The following POMC variants were observed in gnomAD, a reference collection of about 807,000 sequenced individuals.
POMC encodes the protein pro-opiomelanocortin.
A neutral mutation model predicts 18.5 loss-of-function variants in POMC; 19 were observed. That is an observed-to-expected ratio of 1.03 (90% CI 0.72 to 1.51). The LOEUF is 1.51. POMC is among the 40% of genes most tolerant of loss of function. The probability of loss-of-function intolerance (pLI) is 0.00; values close to 1 mark genes in which losing one functional copy is unlikely to be tolerated. For missense variants in POMC, 451 were observed against 379.0 expected, an observed-to-expected ratio of 1.19 and a Z score of -1.58; for synonymous variants, 179 against 161.9, an observed-to-expected ratio of 1.11 and a Z score of -0.80.
In POMC at chr2:25,161,487, C is replaced by G. The variant is rs1199953669; in HGVS notation, c.398G>C (p.Arg133Pro). Residue 133 changes from arginine (R) to proline (P), a missense_variant, in exon 3 of 3, where the codon CGC (arginine) becomes CCC (proline). Arg to Pro is a moderately radical substitution (Grantham distance 103). Transcript: ENST00000395826. The surrounding 1 kb of genome is among the most constrained non-coding windows in gnomAD (Gnocchi z 5.7). ...CATGGAGTAGGAGCGCTTGCCCTCG[C>G]GCGGGCCCGGCTTGGCACCATCGCT... ...PRSDGAKPGP[R>P]EGKRSYSMEH... 17 of 1,606,330 alleles carry G rather than the reference C, an allele frequency of 1.1e-5. No individual in the cohort carries two copies. The highest frequency in any genetic ancestry group is 1.4e-5 in the Non-Finnish European group (16 of 1,177,474).
At chr2:25,166,050 C>CT (rs1396177862) in intron 1 of POMC, among the ~76,000 whole-genome samples, 5 of 152,192 alleles carry the variant, frequency 3.3e-5, no homozygotes, top group Non-Finnish European at 7.4e-5. Context: ...TGGGCCAAAT[C>CT]TTTTTTATAT....
intron 2 of POMC, among the ~76,000 whole-genome samples, chr2:25,163,974 C>T (rs1014218695): frequency 2.3e-4 from 35 of 152,012 alleles, no homozygotes; most frequent in Middle Eastern, 3.4e-3. Context: ...CATTTATGCC[C>T]CCCAACACAC....
intron 1 of POMC, among the ~76,000 whole-genome samples, chr2:25,165,124 G>C (rs919508678): frequency 6.6e-5 from 10 of 152,228 alleles, no homozygotes; most frequent in Admixed American, 5.9e-4. Flanking sequence ...AGCCCAAAGA[G>C]AGACAATTAC....
chr2:25,161,193 G>A lies in POMC; in HGVS notation c.692C>T (p.Pro231Leu), dbSNP rs746318172. 37 of 1,613,672 alleles carry A rather than the reference G, an allele frequency of 2.3e-5. No individual in the cohort carries two copies. Among genetic ancestry groups the A allele is most frequent in the Admixed American group, 2.0e-4 (12 of 60,012 alleles). ...YRMEHFRWGS[P>L]PKDKRYGGFM... The stretch of plus-strand genomic sequence containing the variant: ...ACCGCCGTAGCGCTTGTCCTTGGGC[G>A]GGCTGCCCCAGCGGAAGTGCTCCAT... The change falls in exon 3 of 3, where the codon CCG becomes CTG. Residue 231 changes from proline to leucine, a missense_variant. Pro to Leu is a moderately conservative substitution (Grantham distance 98). Coordinates refer to ENST00000395826, the MANE Select transcript of POMC (RefSeq NM_000939.4). This position sits in a 1 kb window ranked among gnomAD's most constrained non-coding sequence, Gnocchi z 5.7.
chr2:25,162,162 T>C (rs1467434162), intron 2 of POMC, among the ~76,000 whole-genome samples: 1 of 152,062 alleles, frequency 6.6e-6, no homozygotes, highest in East Asian at 1.9e-4. Context: ...TTAATGAATA[T>C]TGAGGGCCGG....
rs991422650 is a variant in POMC at position 25,168,274 on chromosome 2, G to A, written c.-21+224C>T. Among the ~76,000 whole-genome samples, 2 of 152,352 alleles carry A rather than the reference G, an allele frequency of 1.3e-5. No homozygotes were observed. The highest frequency in any genetic ancestry group is 1.9e-4 in the East Asian group (1 of 5,184). On this transcript the variant is annotated intron_variant, in intron 1 of 2. Coordinates refer to ENST00000395826, the MANE Select transcript of POMC (RefSeq NM_000939.4). The surrounding 1 kb of genome is among the most constrained non-coding windows in gnomAD (Gnocchi z 5.2). ...CGGCTCCCTGGAGACAGCGCCTGCA[G>A]CTTCGCGGCCGTCCGCCCAGGGGCC...
In POMC at chr2:25,161,344, T is replaced by A. The variant is rs1356463822; in HGVS notation, c.541A>T (p.Thr181Ser). The part of the protein sequence containing the change: ...AFPLEFKREL[T>S]GQRLREGDGP... ...TCTCCCTCCCGGAGTCGCTGGCCAG[T>A]CAGCTCCCTCTTGAACTCCAGGGGG... is the stretch of plus-strand genomic sequence containing the variant. Residue 181 changes from threonine (T) to serine (S), a missense_variant, in exon 3 of 3, where the codon ACT becomes TCT. Transcript: ENST00000395826. This position sits in a 1 kb window ranked among gnomAD's most constrained non-coding sequence, Gnocchi z 5.7. 1.9e-6 allele frequency: 3 copies of A among 1,606,098 alleles called. No homozygotes were observed. In the Admixed American group the frequency reaches 5.1e-5, roughly 27 times the overall value.
At chr2:25,163,159 G>A (rs1671448509) in intron 2 of POMC, among the ~76,000 whole-genome samples, 1 of 152,228 alleles carries the variant, frequency 6.6e-6, no homozygotes. Flanking sequence ...GCTGGACATT[G>A]CCTACTCCAG....
chr2:25,165,743 G>C (rs1257610343), intron 1 of POMC: 2 of 152,188 alleles, frequency 1.3e-5, no homozygotes, highest in East Asian at 3.9e-4. Flanking sequence ...GGCATCCATG[G>C]TGCCCCTAGC....
chr2:25,163,100 C>G (rs1671446689), intron 2 of POMC, among the ~76,000 whole-genome samples: 1 of 152,212 alleles, frequency 6.6e-6, no homozygotes, highest in Non-Finnish European at 1.5e-5. Flanking sequence ...TGCTCTCTTT[C>G]TTGGGAATAG....
chr2:25,164,591 T>C, intron 2 of POMC, 50 bp downstream of exon 2: 2 of 1,613,342 alleles, frequency 1.2e-6, no homozygotes, highest in East Asian at 4.5e-5. Flanking sequence ...CTTTCCCAGC[T>C]CCAGTCCCAT....
intron 2 of POMC, among the ~76,000 whole-genome samples, chr2:25,162,262 A>G (rs1384246622): frequency 5.9e-5 from 9 of 152,134 alleles, no homozygotes; most frequent in African/African-American, 2.2e-4. Flanking sequence ...CAGCCTGGCC[A>G]ACTATGGTGA....
intron 1 of POMC, among the ~76,000 whole-genome samples, chr2:25,167,736 G>A (rs1186567144): frequency 1.3e-5 from 2 of 152,198 alleles, no homozygotes; most frequent in African/African-American, 4.8e-5. Context: ...AAGGCAGGGC[G>A]TTCATTATGA....
chr2:25,166,206 G>C (rs888242642), intron 1 of POMC, among the ~76,000 whole-genome samples: 3 of 152,214 alleles, frequency 2.0e-5, no homozygotes, highest in African/African-American at 4.8e-5. Context: ...GGGCAAGGCT[G>C]AGCATTTTCA....
Position 25,168,140 on chromosome 2 carries a change from G to T in POMC, c.-21+358C>A, listed in dbSNP as rs1454893449. Among the ~76,000 whole-genome samples, 15 of 143,334 alleles carry T rather than the reference G, an allele frequency of 1.0e-4. No individual in the cohort carries two copies. The highest frequency in any genetic ancestry group is 3.9e-4 in the African/African-American group (15 of 38,796). 94.0% of individuals were successfully genotyped at this position (143,334 alleles called of 152,430 possible). A position where few individuals can be genotyped will look rare whatever the true frequency, so the allele number is the denominator to read the frequency against. On this transcript the variant is annotated intron_variant, in intron 1 of 2. Coordinates refer to ENST00000395826, the MANE Select transcript of POMC (RefSeq NM_000939.4). The surrounding 1 kb of genome is among the most constrained non-coding windows in gnomAD (Gnocchi z 5.2). ...TTGCTCTCCAGCATGGGCAACAAGA[G>T]CGAAACTCCGTCTCAAAAAAAAAAA...
In POMC at chr2:25,161,859, G is replaced by A; in HGVS notation, c.133-107C>T. 1 of 1,452,114 alleles carries A rather than the reference G, an allele frequency of 6.9e-7. No homozygotes were observed. The allele number at this position is 1,452,114 out of a possible 1,614,324, so 90.0% of individuals were successfully genotyped here. On this transcript the variant is annotated intron_variant, in intron 2 of 2. Coordinates refer to ENST00000395826, the MANE Select transcript of POMC (RefSeq NM_000939.4). This position sits in a 1 kb window ranked among gnomAD's most constrained non-coding sequence, Gnocchi z 5.7. ...CCTGGCCGCCCTCGCCACGTGCCGA[G>A]GACACAGGGCACAGTGTCGGGCGTG... is the stretch of plus-strand genomic sequence containing the variant.
At chr2:25,166,814 T>A (rs1671572685) in intron 1 of POMC, among the ~76,000 whole-genome samples, 1 of 152,262 alleles carries the variant, frequency 6.6e-6, no homozygotes, top group Non-Finnish European at 1.5e-5. Flanking sequence ...TGTGTTTGTA[T>A]TGTATATTTT....
Position 25,166,940 on chromosome 2 carries a change from C to CT in POMC, c.-21+1557dup, listed in dbSNP as rs533090118. On this transcript the variant is annotated intron_variant, in intron 1 of 2. Coordinates refer to ENST00000395826, the MANE Select transcript of POMC (RefSeq NM_000939.4). The stretch of plus-strand genomic sequence containing the variant: ...TATTGGGGAAATATCAAATGTTGTG[C>CT]TTTTTTAAGTAGGGAAAGTATTATA... Among the ~76,000 whole-genome samples the CT allele has an allele frequency of 1.8e-3, 278 of 152,172 alleles. 1 individual carries two copies. Among genetic ancestry groups the CT allele is most frequent in the African/African-American group, 6.5e-3 (268 of 41,494 alleles).
chr2:25,164,913 T>A, intron 1 of POMC, 121 bp from the exon 2 acceptor site: 3 of 1,070,956 alleles, frequency 2.8e-6, no homozygotes, highest in Non-Finnish European at 4.1e-6. Flanking sequence ...AAAGGCATTT[T>A]AAGGACAGCA....
Sources: allele counts gnomAD v4.1 joint callset (sites outside exome capture counted in the v4.1 genomes callset), GRCh38; gene constraint gnomAD v4.1.1; non-coding constraint Gnocchi (gnomAD v3.1); transcripts MANE v1.5; gene names NCBI Gene and HGNC (gene_info 2026-07-23, HGNC 2026-07-21).